CEP63: variants seen among roughly 807,000 people sequenced by gnomAD.
CEP63 encodes centrosomal protein of 63 kDa.
A neutral mutation model predicts 89.1 loss-of-function variants in CEP63; 84 were observed. The observed-to-expected ratio is 0.94, with a 90% CI of 0.79 to 1.13. The LOEUF is 1.13. Among genes scored for constraint, CEP63 ranks in the 50% most tolerant of loss-of-function variants. The pLI, the probability that CEP63 is intolerant of heterozygous loss-of-function variation, is 0.00. For missense variants in CEP63, 838 were observed against 813.3 expected (o/e 1.03, Z -0.37); for synonymous variants, 267 against 272.5 (o/e 0.98, Z 0.20).
chr3:134,509,535 G>C (rs1156865159), intron 3 of CEP63, among the ~76,000 whole-genome samples: 1 of 152,136 alleles, frequency 6.6e-6, no homozygotes, highest in East Asian at 1.9e-4. Context: ...ATTAAGTAAT[G>C]ATGATGGTTA....
At chr3:134,771,359 C>A in the CEP63 span, among the ~76,000 whole-genome samples, 1,455 of 152,296 alleles carry the variant, frequency 9.6e-3, 26 homozygotes, top group African/African-American at 0.032. Context: ...AACACAAGAA[C>A]AGAAAACCAA....
At chr3:134,650,937 G>A in the CEP63 span, 2 of 1,613,236 alleles carry the variant, frequency 1.2e-6, no homozygotes, top group Non-Finnish European at 8.5e-7. Context: ...TAGATACAGC[G>A]TTGATGTCCT....
chr3:134,629,954 G>A, the CEP63 span, among the ~76,000 whole-genome samples: 28,201 of 152,150 alleles, frequency 0.19, 3,369 homozygotes, highest in Non-Finnish European at 0.27. Flanking sequence ...TGAATGTAAG[G>A]GGCAACTACT....
chr3:134,753,530 C>A, the CEP63 span, among the ~76,000 whole-genome samples: 1 of 152,218 alleles, frequency 6.6e-6, no homozygotes, highest in Non-Finnish European at 1.5e-5. Context: ...CAACAGCCAC[C>A]AGGGCCAGGG....
the CEP63 span, among the ~76,000 whole-genome samples, chr3:134,713,563 G>A: frequency 6.6e-6 from 1 of 152,166 alleles, no homozygotes; most frequent in Non-Finnish European, 1.5e-5. Flanking sequence ...ATGGCATCAT[G>A]GAACTTCTTA....
rs74640057 is a variant in CEP63 at position 134,505,726 on chromosome 3, G to C, written c.45-1383G>C. Among the ~76,000 whole-genome samples, 537 of 152,308 alleles carry C rather than the reference G, an allele frequency of 3.5e-3. 2 individuals are homozygous for C. Among genetic ancestry groups the C allele is most frequent in the Non-Finnish European group, 6.3e-3 (426 of 68,018 alleles). On this transcript the variant is annotated intron_variant, in intron 2 of 14. Coordinates refer to ENST00000675561, the MANE Select transcript of CEP63 (RefSeq NM_001353108.3). ...ATTCTAAGTCACCTAGTGGTGGCAG[G>C]AGGGGCTAGGCTGATCACCAGTGCC...
chr3:134,545,890 G>C, intron 7 of CEP63, 71 bp downstream of exon 7: 3 of 1,169,922 alleles, frequency 2.6e-6, no homozygotes, highest in South Asian at 1.4e-5. Flanking sequence ...TATTAAGCTA[G>C]AACTAGGTTC....
the CEP63 span, among the ~76,000 whole-genome samples, chr3:134,692,783 C>T: frequency 2.6e-5 from 4 of 152,258 alleles, no homozygotes; most frequent in East Asian, 7.7e-4. Context: ...CCTGGGACTG[C>T]CCTGGTTCCA....
chr3:134,602,827 T>C, the CEP63 span, among the ~76,000 whole-genome samples: 1 of 151,976 alleles, frequency 6.6e-6, no homozygotes, highest in Non-Finnish European at 1.5e-5. Context: ...GCCGACAGTG[T>C]CCCTCCCACC....
rs141835279 is a variant in CEP63 at position 134,521,048 on chromosome 3, C to G, written c.223-10797C>G. On this transcript the variant is annotated intron_variant, in intron 3 of 14. Coordinates refer to ENST00000675561, the MANE Select transcript of CEP63 (RefSeq NM_001353108.3). The stretch of plus-strand genomic sequence containing the variant: ...GAACATTTCATATATTTACAACATA[C>G]AACCAACAAAAGATAAAGAACATCT... Among the ~76,000 whole-genome samples the G allele has an allele frequency of 1.2e-3, 178 of 152,120 alleles. 1 individual carries two copies. Among genetic ancestry groups the G allele is most frequent in the African/African-American group, 4.1e-3 (171 of 41,530 alleles).
chr3:134,541,263 AT>A (rs1410954963), intron 6 of CEP63, among the ~76,000 whole-genome samples: 2 of 152,078 alleles, frequency 1.3e-5, no homozygotes, highest in African/African-American at 4.8e-5. Flanking sequence ...AATTCTATCA[AT>A]TTTTTGTTCA....
chr3:134,709,710 C>T, the CEP63 span, among the ~76,000 whole-genome samples: 2 of 152,220 alleles, frequency 1.3e-5, no homozygotes, highest in South Asian at 4.1e-4. Flanking sequence ...TTCTGGGAAT[C>T]AGATATGTCC....
the CEP63 span, among the ~76,000 whole-genome samples, chr3:134,655,302 G>A: frequency 6.6e-6 from 1 of 152,146 alleles, no homozygotes; most frequent in Non-Finnish European, 1.5e-5. Context: ...TCACTGCTCT[G>A]TGGCCACTGT....
chr3:134,570,269 C>T (rs36007426), intron 11 of CEP63, among the ~76,000 whole-genome samples: 125 of 152,308 alleles, frequency 8.2e-4, no homozygotes, highest in Non-Finnish European at 1.4e-3. Flanking sequence ...GTGGGATTTG[C>T]TGTTCTATTG....
At chr3:134,673,270 T>G in the CEP63 span, among the ~76,000 whole-genome samples, 3 of 152,124 alleles carry the variant, frequency 2.0e-5, no homozygotes, top group Admixed American at 6.6e-5. Flanking sequence ...CTACCTCCTC[T>G]CTGAGATCTT....
the CEP63 span, chr3:134,604,297 T>C: frequency 1.2e-6 from 2 of 1,613,970 alleles, no homozygotes; most frequent in African/African-American, 2.7e-5. Flanking sequence ...GCTGTAGATG[T>C]CGGAGTTGCC....
At chr3:134,529,913 G>A (rs1415749090) in intron 3 of CEP63, among the ~76,000 whole-genome samples, 6 of 126,154 alleles carry the variant, frequency 4.8e-5, no homozygotes, top group East Asian at 2.4e-4. Flanking sequence ...TTGCTCTGTC[G>A]CCCAGGCTGG....
At chr3:134,488,762 G>T (rs970951629) in intron 1 of CEP63, among the ~76,000 whole-genome samples, 1 of 152,194 alleles carries the variant, frequency 6.6e-6, no homozygotes, top group Admixed American at 6.5e-5. Flanking sequence ...AAAGGTTGGG[G>T]ACCACTGCTC....
chr3:134,581,944 G>A (rs1958365947), intron 10 of CEP63, among the ~76,000 whole-genome samples: 1 of 151,782 alleles, frequency 6.6e-6, no homozygotes, highest in South Asian at 2.1e-4. Flanking sequence ...CAAAGTGCTG[G>A]GATTACAGGC....
Sources: gnomAD v4.1 joint callset for allele counts (sites outside exome capture counted in the v4.1 genomes callset) on GRCh38, gnomAD v4.1.1 for gene constraint, MANE v1.5 for transcripts, NCBI Gene and HGNC (gene_info 2026-07-23, HGNC 2026-07-21) for gene names.